The following RRP15 variants were observed in gnomAD, a reference collection of about 807,000 sequenced individuals.
RRP15 encodes ribosomal RNA processing 15 homolog.
A neutral mutation model predicts 27.1 loss-of-function variants in RRP15; 18 were observed. The ratio of observed to expected loss-of-function variants is 0.66; its 90% CI spans 0.46 to 0.98. The LOEUF (loss-of-function observed/expected upper bound fraction) is 0.98. RRP15 is among the 50% of genes least tolerant of loss of function. The probability of loss-of-function intolerance (pLI) is 0.00; values close to 1 mark genes in which losing one functional copy is unlikely to be tolerated. For missense variants in RRP15, 359 were observed against 337.8 expected (o/e 1.06, Z -0.49); for synonymous variants, 107 against 109.4 (o/e 0.98, Z 0.14).
chr1:218,335,016 T>A lies in RRP15; in HGVS notation c.*3925T>A, dbSNP rs1475271784. The A allele has an allele frequency of 6.6e-6, 1 of 152,162 alleles. No individual in the cohort carries two copies. The highest frequency in any genetic ancestry group is 1.5e-5 in the Non-Finnish European group (1 of 68,044). The allele number at this position is 152,162 out of a possible 1,614,324, so 9.4% of individuals were successfully genotyped here. A position where few individuals can be genotyped will look rare whatever the true frequency, so the allele number is the denominator to read the frequency against. ...AGATTTAGAAGTAGAATGTTTGAGG[T>A]GGTTGACAAGACATTTAGAATTGTG... On this transcript the variant is annotated 3_prime_UTR_variant, in exon 5 of 5. Coordinates refer to ENST00000366932, the MANE Select transcript of RRP15 (RefSeq NM_016052.4).
chr1:218,308,089 TTTG>T (rs1655931181), intron 4 of RRP15, among the ~76,000 whole-genome samples: 1 of 139,016 alleles, frequency 7.2e-6, no homozygotes, highest in Admixed American at 7.2e-5. Flanking sequence ...TTTTTTTTTT[TTTG>T]ATGGAGTCTT....
intron 4 of RRP15, among the ~76,000 whole-genome samples, chr1:218,328,186 TC>T (rs1412051313): frequency 6.6e-6 from 1 of 152,246 alleles, no homozygotes; most frequent in African/African-American, 2.4e-5. Flanking sequence ...TTCCTGTTAT[TC>T]TTTACGTTGG....
chr1:218,304,331 A>G (rs1233387500), intron 2 of RRP15, among the ~76,000 whole-genome samples: 1 of 152,230 alleles, frequency 6.6e-6, no homozygotes, highest in Non-Finnish European at 1.5e-5. Context: ...TGAACATGCA[A>G]TGTATCAAAT....
At chr1:218,319,883 G>A (rs1656159099) in intron 4 of RRP15, among the ~76,000 whole-genome samples, 1 of 151,974 alleles carries the variant, frequency 6.6e-6, no homozygotes, top group African/African-American at 2.4e-5. Context: ...TAATATAGCA[G>A]ATAAAATGTG....
rs1656428238 is a variant in RRP15 at position 218,335,027 on chromosome 1, A to G, written c.*3936A>G. The G allele has an allele frequency of 2.0e-5, 3 of 152,332 alleles. No homozygotes were observed. The South Asian group carries it at 6.2e-4, about 32-fold the overall frequency. 9.4% of individuals were successfully genotyped at this position (152,332 alleles called of 1,614,324 possible). ...TAGAATGTTTGAGGTGGTTGACAAG[A>G]CATTTAGAATTGTGATTAATGTTTT... is the stretch of plus-strand genomic sequence containing the variant. On this transcript the variant is annotated 3_prime_UTR_variant, in exon 5 of 5. Transcript: ENST00000366932.
chr1:218,306,957 G>A (rs1655909558), intron 3 of RRP15, among the ~76,000 whole-genome samples: 1 of 152,198 alleles, frequency 6.6e-6, no homozygotes, highest in African/African-American at 2.4e-5. Context: ...TGTGGCTCCT[G>A]TATTGGATGC....
intron 1 of RRP15, among the ~76,000 whole-genome samples, chr1:218,298,773 A>G (rs551728154): frequency 2.0e-5 from 3 of 152,222 alleles, no homozygotes; most frequent in Non-Finnish European, 4.4e-5. Flanking sequence ...TGTGCTAGCC[A>G]CATTTGAAAT....
intron 2 of RRP15, among the ~76,000 whole-genome samples, chr1:218,304,398 C>T (rs985514290): frequency 5.9e-5 from 9 of 152,124 alleles, no homozygotes; most frequent in Non-Finnish European, 1.3e-4. Flanking sequence ...ATTATGTTAC[C>T]TAGGGAATTT....
intron 4 of RRP15, among the ~76,000 whole-genome samples, chr1:218,321,667 A>G (rs1327542822): frequency 6.6e-6 from 1 of 152,128 alleles, no homozygotes; most frequent in Non-Finnish European, 1.5e-5. Flanking sequence ...CTCTCTTTTT[A>G]TTCCTTTTAT....
rs1480158834 is a variant in RRP15, at chr1:218,332,059, T to G, written c.*968T>G. On this transcript the variant is annotated 3_prime_UTR_variant, in exon 5 of 5. Coordinates refer to ENST00000366932, the MANE Select transcript of RRP15 (RefSeq NM_016052.4). ...AGATTTATTTTAGGTGTTAGCCTAT[T>G]TTTGCATGAGAGATTTACAGAGGTG... The G allele has an allele frequency of 6.6e-6, 1 of 152,206 alleles. No homozygotes were observed. The highest frequency in any genetic ancestry group is 1.5e-5 in the Non-Finnish European group (1 of 68,042). 9.4% of individuals were successfully genotyped at this position (152,206 alleles called of 1,614,324 possible). A position where few individuals can be genotyped will look rare whatever the true frequency, so the allele number is the denominator to read the frequency against.
At chr1:218,303,408 TAC>T (rs1393961542) in intron 2 of RRP15, among the ~76,000 whole-genome samples, 2 of 152,202 alleles carry the variant, frequency 1.3e-5, no homozygotes, top group Admixed American at 1.3e-4. Flanking sequence ...TTGTTCTTAA[TAC>T]TGGTTGCTCT....
chr1:218,315,725 G>A (rs1362879508), intron 4 of RRP15, among the ~76,000 whole-genome samples: 6 of 151,788 alleles, frequency 4.0e-5, no homozygotes, highest in South Asian at 2.1e-4. Flanking sequence ...CAAAGTGCTG[G>A]GATTACAGGC....
intron 1 of RRP15, among the ~76,000 whole-genome samples, chr1:218,297,714 T>C (rs1655743245): frequency 6.6e-6 from 1 of 152,176 alleles, no homozygotes; most frequent in Admixed American, 6.6e-5. Flanking sequence ...GGCTTACCAC[T>C]TTCAGGTGGT....
rs576175473 is a variant in RRP15 at position 218,300,480 on chromosome 1, A to G, written c.140-1814A>G. 7.5e-4 allele frequency among the ~76,000 whole-genome samples: 114 copies of G among 152,306 alleles called. 1 individual carries two copies. The highest frequency in any genetic ancestry group is 2.9e-3 in the Admixed American group (44 of 15,298). On this transcript the variant is annotated intron_variant, in intron 1 of 4. Coordinates refer to ENST00000366932, the MANE Select transcript of RRP15 (RefSeq NM_016052.4). ...GAAAAAATAAAGGTATTACGCAAAA[A>G]TAATGCCCAAATTGCAAGTATTGTA...
chr1:218,328,998 T>G (rs1050978733), intron 4 of RRP15, among the ~76,000 whole-genome samples: 1 of 152,132 alleles, frequency 6.6e-6, no homozygotes, highest in African/African-American at 2.4e-5. Flanking sequence ...TATACACTTT[T>G]CCGAATTTAA....
chr1:218,315,300 G>A (rs996820102), intron 4 of RRP15, among the ~76,000 whole-genome samples: 2 of 152,224 alleles, frequency 1.3e-5, no homozygotes, highest in East Asian at 1.9e-4. Flanking sequence ...AAATTGCTAT[G>A]TACTTTTAAA....
chr1:218,334,927 T>C lies in RRP15; in HGVS notation c.*3836T>C, dbSNP rs909014362. On this transcript the variant is annotated 3_prime_UTR_variant, in exon 5 of 5. Coordinates refer to ENST00000366932, the MANE Select transcript of RRP15 (RefSeq NM_016052.4). ...TTGCAGCACTGGTAGTCCTGGTAAA[T>C]TTTTTCAGTGGGCGAGCTTTTCTGA... The C allele has an allele frequency of 4.2e-4, 64 of 152,276 alleles. No homozygotes were observed. Among genetic ancestry groups the C allele is most frequent in the African/African-American group, 1.5e-3 (63 of 41,556 alleles). The allele number at this position is 152,276 out of a possible 1,614,324, so 9.4% of individuals were successfully genotyped here.
intron 4 of RRP15, among the ~76,000 whole-genome samples, chr1:218,309,662 G>A (rs1336705418): frequency 8.8e-6 from 1 of 113,018 alleles, no homozygotes; most frequent in African/African-American, 3.6e-5. Context: ...CAGCCTGGGT[G>A]ACAGAGAGAG....
intron 3 of RRP15, among the ~76,000 whole-genome samples, chr1:218,305,594 G>T (rs897785007): frequency 5.9e-5 from 9 of 152,148 alleles, no homozygotes; most frequent in Non-Finnish European, 1.3e-4. Context: ...CTGCTAGGTG[G>T]TCCTTGCCTG....
Sources: allele counts gnomAD v4.1 joint callset (sites outside exome capture counted in the v4.1 genomes callset), GRCh38; gene constraint gnomAD v4.1.1; transcripts MANE v1.5; gene names NCBI Gene and HGNC (gene_info 2026-07-23, HGNC 2026-07-21).